The following SMG1 variants were observed in gnomAD, a reference collection of about 807,000 sequenced individuals.
SMG1 encodes serine/threonine-protein kinase SMG1.
In SMG1, 22 loss-of-function variants were observed where a neutral mutation model predicts 419.9. The observed-to-expected ratio is 0.05, with a 90% CI of 0.04 to 0.07. The LOEUF (loss-of-function observed/expected upper bound fraction) is 0.07, where lower values mean the gene tolerates loss of function less well. Ranked by LOEUF, SMG1 falls within the 10% of genes least tolerant of loss-of-function variation. The probability of loss-of-function intolerance (pLI) is 1.00; values close to 1 mark genes in which losing one functional copy is unlikely to be tolerated. For synonymous variants in SMG1, 1,538 were observed against 1,553.5 expected (o/e 0.99, Z 0.23); for missense variants, 3,185 against 4,342.0 (o/e 0.73, Z 7.49).
chr16:18,855,738 G>A (rs527372162), intron 29 of SMG1, among the ~76,000 whole-genome samples: 2 of 152,196 alleles, frequency 1.3e-5, no homozygotes, highest in Admixed American at 6.5e-5. Context: ...CTTTAGCAGA[G>A]ACTTCAGCAT....
intron 1 of SMG1, among the ~76,000 whole-genome samples, chr16:18,902,310 T>C (rs1428449125): frequency 2.0e-5 from 3 of 152,140 alleles, no homozygotes; most frequent in Admixed American, 2.0e-4. Flanking sequence ...TACCCTTGGC[T>C]CATTCTAATC....
At chr16:18,892,033 C>A (rs546001346) in intron 4 of SMG1, among the ~76,000 whole-genome samples, 185 bp downstream of exon 4, 47 of 152,298 alleles carry the variant, frequency 3.1e-4, no homozygotes, top group African/African-American at 9.9e-4. Flanking sequence ...TGCCACTGCA[C>A]TCCAGCCTGG....
At position 18,907,058 on chromosome 16, in the gene SMG1, T is replaced by C. The variant is rs542371404; in HGVS notation, c.93-10102A>G. Among the ~76,000 whole-genome samples, 226 of 152,016 alleles carry C rather than the reference T, an allele frequency of 1.5e-3. 1 individual carries two copies. Among genetic ancestry groups the C allele is most frequent in the African/African-American group, 5.3e-3 (220 of 41,468 alleles). On this transcript the variant is annotated intron_variant, in intron 1 of 62. Coordinates refer to ENST00000446231, the MANE Select transcript of SMG1 (RefSeq NM_015092.5). ...CAGCACTTTGGGAGGCTGAGGCGGA[T>C]GGATCACTTGAGGTCAGGAGTTCAA...
chr16:18,880,967 G>GAAA (rs71141085), intron 10 of SMG1, among the ~76,000 whole-genome samples: 1 of 107,160 alleles, frequency 9.3e-6, no homozygotes, highest in African/African-American at 3.3e-5. Context: ...ACTTTAAAAA[G>GAAA]AAAAAAAAAA....
At chr16:18,922,405 T>C (rs1232225168) in intron 1 of SMG1, among the ~76,000 whole-genome samples, 1 of 152,212 alleles carries the variant, frequency 6.6e-6, no homozygotes, top group Non-Finnish European at 1.5e-5. Context: ...CAAAACCTTC[T>C]CAACTTTACG....
chr16:18,871,822 G>C (rs2967207), intron 15 of SMG1, among the ~76,000 whole-genome samples: 1 of 151,322 alleles, frequency 6.6e-6, no homozygotes, highest in Non-Finnish European at 1.5e-5. Flanking sequence ...ACCTGTAATC[G>C]CGGCTACTTG....
intron 22 of SMG1, among the ~76,000 whole-genome samples, chr16:18,867,954 C>T (rs959880505): frequency 1.3e-4 from 20 of 152,130 alleles, no homozygotes; most frequent in South Asian, 1.2e-3. Flanking sequence ...ATGATCCGCC[C>T]ACCTCTGCCT....
At chr16:18,812,615 CACACATATATAT>C (rs1035933071) in intron 60 of SMG1, among the ~76,000 whole-genome samples, 72 of 73,112 alleles carry the variant, frequency 9.8e-4, no homozygotes, top group African/African-American at 2.2e-3. Flanking sequence ...TATATACATA[CACACATATATAT>C]ACACATATAT....
At chr16:18,849,488 G>A (rs554348218) in intron 35 of SMG1, 110 bp from the exon 36 acceptor site, 41 of 1,043,684 alleles carry the variant, frequency 3.9e-5, no homozygotes, top group South Asian at 2.1e-4. Context: ...GCATTAGTAC[G>A]GATTTTAAGA....
At chr16:18,883,621 A>G (rs2036494392) in intron 9 of SMG1, among the ~76,000 whole-genome samples, 1 of 152,236 alleles carries the variant, frequency 6.6e-6, no homozygotes, top group Non-Finnish European at 1.5e-5. Flanking sequence ...CATCTGAAAT[A>G]AATGTTTAAA....
Position 18,829,373 on chromosome 16 carries a change from C to T in SMG1, c.9516G>A (p.Lys3172=), listed in dbSNP as rs1438086773. 6 of 1,614,034 alleles carry T rather than the reference C, an allele frequency of 3.7e-6. No individual in the cohort carries two copies. The highest frequency in any genetic ancestry group is 5.1e-6 in the Non-Finnish European group (6 of 1,179,900). ...LASSYDTAWK[K]HDLVRRLETS... The stretch of plus-strand genomic sequence containing the variant: ...TTTCTAGCCTTCGCACCAAGTCATG[C>T]TTCTTCCAGGCAGTGTCGTAAGAAC... The change falls in exon 54 of 63, where the codon AAG becomes AAA. Residue 3172 remains lysine (K), a synonymous_variant. Coordinates refer to ENST00000446231, the MANE Select transcript of SMG1 (RefSeq NM_015092.5).
Position 18,828,087 on chromosome 16 carries a change from T to G in SMG1, c.9685A>C (p.Met3229Leu), listed in dbSNP as rs376443329. The stretch of plus-strand genomic sequence containing the variant: ...CTCAGGGTATGCAGCTTCTTTTTCA[T>G]GCTGGTTAGGATAGCAGACCGTGGG... ...PPPRSAILTS[M>L]KKKLHTLSQI... The change falls in exon 55 of 63, where the codon ATG (methionine) becomes CTG (leucine). Residue 3229 changes from methionine to leucine, a missense_variant. Met to Leu is a conservative substitution (Grantham distance 15). Coordinates refer to ENST00000446231, the MANE Select transcript of SMG1 (RefSeq NM_015092.5). The G allele has an allele frequency of 6.2e-7, 1 of 1,613,574 alleles. No individual in the cohort carries two copies. The highest frequency in any genetic ancestry group is 1.1e-5 in the South Asian group (1 of 91,014).
chr16:18,855,585 C>T (rs2034851767), intron 29 of SMG1, among the ~76,000 whole-genome samples: 1 of 152,278 alleles, frequency 6.6e-6, no homozygotes, highest in African/African-American at 2.4e-5. Flanking sequence ...CTTTTACTCC[C>T]TTTTTCCATT....
At chr16:18,895,092 C>T (rs2037062032) in intron 3 of SMG1, among the ~76,000 whole-genome samples, 1 of 152,058 alleles carries the variant, frequency 6.6e-6, no homozygotes, top group African/African-American at 2.4e-5. Flanking sequence ...GCTGGGATTA[C>T]AGGCAGGAGC....
At position 18,852,380 on chromosome 16, in the gene SMG1, T is replaced by C; in HGVS notation, c.4851A>G (p.Lys1617=). ...CCCAGCTGGCCAACGCTGCCCAAGA[T>C]TTGGCTACTTCAGGTGCCTGTACTG... ...LSSVQAPEVA[K]SWAALASWAY... The change falls in exon 32 of 63, where the codon AAA becomes AAG. Residue 1617 remains lysine (K), a synonymous_variant. Coordinates refer to ENST00000446231, the MANE Select transcript of SMG1 (RefSeq NM_015092.5). The C allele has an allele frequency of 6.2e-7, 1 of 1,613,876 alleles. No individual in the cohort carries two copies. Among genetic ancestry groups the C allele is most frequent in the Non-Finnish European group, 8.5e-7 (1 of 1,179,846 alleles).
chr16:18,879,135 G>A, intron 11 of SMG1: 1 of 284,492 alleles, frequency 3.5e-6, no homozygotes, highest in Non-Finnish European at 6.7e-6. Flanking sequence ...TTCTTTTTTG[G>A]AGACAGGGCC....
rs1309074611 is a variant in SMG1, at chr16:18,808,455, T to C, written c.*1114A>G. On this transcript the variant is annotated 3_prime_UTR_variant, in exon 63 of 63. Coordinates refer to ENST00000446231, the MANE Select transcript of SMG1 (RefSeq NM_015092.5). Reference sequence around the variant, plus strand: ...GTCTACCTCCACCAGAACATCACTTTATTGTTAATCTATCATCAACAATGT... The same window carrying C: ...GTCTACCTCCACCAGAACATCACTTCATTGTTAATCTATCATCAACAATGT... The C allele has an allele frequency of 1.3e-5, 2 of 152,244 alleles. No homozygotes were observed. The highest frequency in any genetic ancestry group is 3.8e-4 in the East Asian group (2 of 5,204). The allele number at this position is 152,244 out of a possible 1,614,324, so 9.4% of individuals were successfully genotyped here.
At chr16:18,918,150 C>T (rs2038050431) in intron 1 of SMG1, among the ~76,000 whole-genome samples, 1 of 151,880 alleles carries the variant, frequency 6.6e-6, no homozygotes, top group African/African-American at 2.4e-5. Flanking sequence ...ATCCCTAGAG[C>T]TACTTGGGAG....
chr16:18,811,872 G>A lies in SMG1; in HGVS notation c.10802-5C>T. 1 of 1,613,614 alleles carries A rather than the reference G, an allele frequency of 6.2e-7. No homozygotes were observed. The highest frequency in any genetic ancestry group is 2.2e-5 in the East Asian group (1 of 44,880). Reference sequence around the variant, plus strand: ...AGGAGTTTCTCTCTTGCACCGCTATGAAGCAACAAAAACATACGTAAGTCA... The same window carrying A: ...AGGAGTTTCTCTCTTGCACCGCTATAAAGCAACAAAAACATACGTAAGTCA... On this transcript the variant is annotated splice_region_variant and splice_polypyrimidine_tract_variant and intron_variant, in intron 61 of 62. Coordinates refer to ENST00000446231, the MANE Select transcript of SMG1 (RefSeq NM_015092.5).
Sources: gnomAD v4.1 joint callset for allele counts (sites outside exome capture counted in the v4.1 genomes callset) on GRCh38, gnomAD v4.1.1 for gene constraint, MANE v1.5 for transcripts, NCBI Gene and HGNC (gene_info 2026-07-23, HGNC 2026-07-21) for gene names.